Variants in PRKG1 observed in about 807,000 individuals in gnomAD.
PRKG1 encodes protein kinase cGMP-dependent 1, also known as cGMP-dependent protein kinase 1.
PRKG1 carries 35 observed loss-of-function variants against 88.1 expected under a neutral mutation model. That is an observed-to-expected ratio of 0.40 (90% CI 0.30 to 0.53). The LOEUF (loss-of-function observed/expected upper bound fraction) is 0.53, where lower values mean the gene tolerates loss of function less well. PRKG1 is among the 20% of genes least tolerant of loss of function. The probability of loss-of-function intolerance (pLI) is 0.59; values close to 1 mark genes in which losing one functional copy is unlikely to be tolerated. For synonymous variants in PRKG1, 303 were observed against 292.5 expected (o/e 1.04, Z -0.37); for missense variants, 540 against 839.8 (o/e 0.64, Z 4.41).
At chr10:51,547,073 C>T (rs1842459711) in intron 3 of PRKG1, among the ~76,000 whole-genome samples, 1 of 151,958 alleles carries the variant, frequency 6.6e-6, no homozygotes, top group Non-Finnish European at 1.5e-5. Flanking sequence ...GGGCAGTAAC[C>T]ACCCTGAAAA....
At chr10:52,087,629 T>G (rs1192564629) in intron 7 of PRKG1, among the ~76,000 whole-genome samples, 1 of 152,224 alleles carries the variant, frequency 6.6e-6, no homozygotes, top group Admixed American at 6.5e-5. Context: ...ACTTATATAC[T>G]TTAATATTTT....
intron 1 of PRKG1, among the ~76,000 whole-genome samples, chr10:51,110,608 CTG>C (rs1844959522): frequency 6.6e-6 from 1 of 152,020 alleles, no homozygotes; most frequent in Non-Finnish European, 1.5e-5. Flanking sequence ...ATTATCTTGA[CTG>C]TGGTGATGTT....
chr10:51,152,743 T>C (rs1846105366), intron 1 of PRKG1, among the ~76,000 whole-genome samples: 2 of 152,010 alleles, frequency 1.3e-5, no homozygotes, highest in African/African-American at 4.8e-5. Context: ...CTGATATTCT[T>C]TTATAAATAT....
rs529488086 is a variant in PRKG1, at chr10:51,604,340, C to T, written c.592+136504C>T. Among the ~76,000 whole-genome samples the T allele has an allele frequency of 3.4e-3, 524 of 152,214 alleles. 4 individuals are homozygous for T. Among genetic ancestry groups the T allele is most frequent in the Middle Eastern group, 0.017 (5 of 292 alleles). On this transcript the variant is annotated intron_variant, in intron 3 of 17. Coordinates refer to ENST00000373980, the MANE Select transcript of PRKG1 (RefSeq NM_006258.4). ...GGGAAGAATGATTGTTGTTTTGCCT[C>T]ATTTTTTGAACCATTTAAGATGGCG...
chr10:51,517,360 A>G (rs746023373), intron 3 of PRKG1, among the ~76,000 whole-genome samples: 25 of 152,200 alleles, frequency 1.6e-4, no homozygotes, highest in Non-Finnish European at 2.5e-4. Context: ...TCTTCTGGGT[A>G]TGGGAAAGGA....
chr10:51,328,944 C>T (rs1841661191), intron 2 of PRKG1, among the ~76,000 whole-genome samples: 1 of 151,964 alleles, frequency 6.6e-6, no homozygotes, highest in South Asian at 2.1e-4. Context: ...GTTACTTGTA[C>T]TCTTGCTATT....
intron 2 of PRKG1, among the ~76,000 whole-genome samples, chr10:51,378,537 G>T (rs1842859078): frequency 6.6e-6 from 1 of 152,150 alleles, no homozygotes; most frequent in South Asian, 2.1e-4. Context: ...GTAATTAATA[G>T]AAGAGGAGAC....
intron 2 of PRKG1, among the ~76,000 whole-genome samples, chr10:51,335,644 G>T (rs563597522): frequency 6.6e-6 from 1 of 151,946 alleles, no homozygotes; most frequent in Non-Finnish European, 1.5e-5. Flanking sequence ...TGATTCTCCC[G>T]CCCCAGCCTC....
At chr10:51,084,837 C>T (rs1430559484) in intron 1 of PRKG1, among the ~76,000 whole-genome samples, 5 of 152,036 alleles carry the variant, frequency 3.3e-5, no homozygotes, top group Non-Finnish European at 2.9e-5. Context: ...TCAATGATGA[C>T]AAATACACTC....
chr10:52,135,487 G>T (rs893284928), intron 8 of PRKG1, among the ~76,000 whole-genome samples: 2 of 152,100 alleles, frequency 1.3e-5, no homozygotes, highest in East Asian at 3.9e-4. Context: ...ATTAGAGGGA[G>T]AGGTTAGAGA....
chr10:51,227,849 A>G (rs1327458544), intron 2 of PRKG1, among the ~76,000 whole-genome samples: 1 of 152,188 alleles, frequency 6.6e-6, no homozygotes, highest in African/African-American at 2.4e-5. Context: ...AAGTGCTTGC[A>G]ATCACAGCAG....
intron 2 of PRKG1, among the ~76,000 whole-genome samples, chr10:51,216,912 G>A (rs191460631): frequency 2.0e-5 from 3 of 152,118 alleles, no homozygotes; most frequent in Admixed American, 2.0e-4. Flanking sequence ...AATGCTTCTA[G>A]ACTTACAACT....
intron 3 of PRKG1, among the ~76,000 whole-genome samples, chr10:51,686,766 T>G (rs1841004356): frequency 1.3e-5 from 2 of 152,186 alleles, no homozygotes; most frequent in African/African-American, 2.4e-5. Flanking sequence ...GTTTGTTTTT[T>G]CTTTTTAGAG....
At chr10:51,540,209 C>G (rs1452521094) in intron 3 of PRKG1, among the ~76,000 whole-genome samples, 1 of 152,170 alleles carries the variant, frequency 6.6e-6, no homozygotes, top group Non-Finnish European at 1.5e-5. Context: ...CAAAATGTGT[C>G]TAGAAGCTAA....
At chr10:51,891,235 G>A (rs1329399875) in intron 4 of PRKG1, among the ~76,000 whole-genome samples, 1 of 152,156 alleles carries the variant, frequency 6.6e-6, no homozygotes, top group African/African-American at 2.4e-5. Flanking sequence ...TTGCACCCAA[G>A]CCAGGGTGAC....
intron 4 of PRKG1, among the ~76,000 whole-genome samples, chr10:51,887,567 C>T (rs9888077): frequency 6.6e-6 from 1 of 152,062 alleles, no homozygotes; most frequent in Admixed American, 6.5e-5. Flanking sequence ...TCCACAAGCT[C>T]GCCAACACTT....
intron 3 of PRKG1, among the ~76,000 whole-genome samples, chr10:51,728,453 GTTTTTTTTTTT>G (rs56975031): frequency 1.7e-5 from 1 of 58,806 alleles, no homozygotes; most frequent in Non-Finnish European, 3.6e-5. Context: ...TTTTTTCTTT[GTTTTTTTTTTT>G]TTTTTTTTTT....
intron 3 of PRKG1, among the ~76,000 whole-genome samples, chr10:51,672,067 TCTA>T (rs537986401): frequency 1.1e-3 from 171 of 152,322 alleles, no homozygotes; most frequent in Admixed American, 3.1e-3. Context: ...TTTCTGTGGT[TCTA>T]CTATGATATA....
intron 7 of PRKG1, among the ~76,000 whole-genome samples, chr10:52,085,746 TTGTG>T (rs1369571733): frequency 6.6e-6 from 1 of 152,148 alleles, no homozygotes; most frequent in Non-Finnish European, 1.5e-5. Flanking sequence ...TGTAGGAAAT[TTGTG>T]TGTGTATGTG....
Sources: gnomAD v4.1 joint callset for allele counts (sites outside exome capture counted in the v4.1 genomes callset) on GRCh38, gnomAD v4.1.1 for gene constraint, MANE v1.5 for transcripts, NCBI Gene and HGNC (gene_info 2026-07-23, HGNC 2026-07-21) for gene names.